CIMIP5: variants seen among roughly 807,000 people sequenced by gnomAD.
CIMIP5 encodes uncharacterized protein C2orf50.
the CIMIP5 span, among the ~76,000 whole-genome samples, chr2:11,148,376 C>G: frequency 1.3e-5 from 2 of 152,000 alleles, no homozygotes; most frequent in East Asian, 3.9e-4. Flanking sequence ...CTCGGCCTCC[C>G]AAAGTGCTGG....
the CIMIP5 span, among the ~76,000 whole-genome samples, chr2:11,143,475 T>C: frequency 1.3e-4 from 19 of 151,080 alleles, no homozygotes; most frequent in Non-Finnish European, 2.4e-4. Context: ...GTTGGGCACA[T>C]GGGCATCTTC....
the CIMIP5 span, among the ~76,000 whole-genome samples, chr2:11,137,307 G>A: frequency 3.3e-5 from 5 of 152,164 alleles, no homozygotes; most frequent in Admixed American, 6.5e-5. Flanking sequence ...CCGGCAGGCA[G>A]AGGCTGCAAT....
At chr2:11,136,902 G>A in the CIMIP5 span, among the ~76,000 whole-genome samples, 12 of 152,154 alleles carry the variant, frequency 7.9e-5, no homozygotes, top group Admixed American at 1.3e-4. Flanking sequence ...GGGCAGAGAC[G>A]CTGCCAGGAA....
the CIMIP5 span, chr2:11,140,698 G>T: frequency 2.0e-6 from 1 of 510,104 alleles, no homozygotes; most frequent in Non-Finnish European, 3.3e-6. Context: ...TTCAAGGAAT[G>T]CAGGGTCCGT....
chr2:11,138,557 C>G, the CIMIP5 span, among the ~76,000 whole-genome samples: 1 of 152,168 alleles, frequency 6.6e-6, no homozygotes, highest in Non-Finnish European at 1.5e-5. Flanking sequence ...TGGTGTGGAT[C>G]TGTGTCCCCA....
the CIMIP5 span, among the ~76,000 whole-genome samples, chr2:11,148,607 C>T: frequency 5.4e-5 from 8 of 147,888 alleles, no homozygotes; most frequent in South Asian, 8.3e-4. Context: ...ACCCTGACCA[C>T]GCCCATGCCC....
the CIMIP5 span, chr2:11,133,353 C>G: frequency 6.2e-7 from 1 of 1,605,652 alleles, no homozygotes; most frequent in Non-Finnish European, 8.5e-7. Context: ...CCACCCCACC[C>G]CTGGGCTCCA....
At chr2:11,149,977 A>T in the CIMIP5 span, among the ~76,000 whole-genome samples, 1 of 152,158 alleles carries the variant, frequency 6.6e-6, no homozygotes, top group Non-Finnish European at 1.5e-5. Flanking sequence ...ACGGCGTCTC[A>T]CCCCATTGCC....
At chr2:11,135,867 C>T in the CIMIP5 span, among the ~76,000 whole-genome samples, 1 of 152,028 alleles carries the variant, frequency 6.6e-6, no homozygotes, top group Non-Finnish European at 1.5e-5. Context: ...ATTTGCATTT[C>T]TCTGATGATG....
At chr2:11,149,298 A>C in the CIMIP5 span, among the ~76,000 whole-genome samples, 1 of 144,012 alleles carries the variant, frequency 6.9e-6, no homozygotes, top group Admixed American at 7.1e-5. Flanking sequence ...CTACTTACCT[A>C]GGAAGCACTC....
chr2:11,144,275 C>T, the CIMIP5 span: 51 of 483,606 alleles, frequency 1.1e-4, no homozygotes, highest in African/African-American at 9.1e-4. Flanking sequence ...CACTCTTACA[C>T]ACTTTTTACA....
At chr2:11,146,207 CCT>C in the CIMIP5 span, among the ~76,000 whole-genome samples, 3 of 152,226 alleles carry the variant, frequency 2.0e-5, no homozygotes, top group East Asian at 5.8e-4. Context: ...CTCATTTAAT[CCT>C]CTCAGCAACC....
chr2:11,153,306 C>G, the CIMIP5 span, among the ~76,000 whole-genome samples: 1 of 152,212 alleles, frequency 6.6e-6, no homozygotes, highest in Non-Finnish European at 1.5e-5. Context: ...GAGGAGGCCA[C>G]TCCCTGCGTG....
chr2:11,148,159 C>T, the CIMIP5 span, among the ~76,000 whole-genome samples: 1 of 151,488 alleles, frequency 6.6e-6, no homozygotes, highest in Non-Finnish European at 1.5e-5. Context: ...AGCTTGTCGC[C>T]CAAGCTGGAG....
chr2:11,142,266 C>CAA, the CIMIP5 span, among the ~76,000 whole-genome samples: 10,707 of 84,332 alleles, frequency 0.13, 784 homozygotes, highest in Non-Finnish European at 0.19. Flanking sequence ...AATTCAGTCT[C>CAA]AAAAAAAAAA....
chr2:11,146,429 G>T, the CIMIP5 span: 1 of 152,098 alleles, frequency 6.6e-6, no homozygotes, highest in African/African-American at 2.4e-5. Flanking sequence ...CAAATTACAG[G>T]ATTTTTCTGC....
the CIMIP5 span, among the ~76,000 whole-genome samples, chr2:11,135,884 A>G: frequency 2.6e-5 from 4 of 152,182 alleles, no homozygotes; most frequent in African/African-American, 9.6e-5. Flanking sequence ...GATGAGTGAC[A>G]TTGATCATCT....
At chr2:11,133,144 C>T in the CIMIP5 span, 1 of 591,884 alleles carries the variant, frequency 1.7e-6, no homozygotes, top group Non-Finnish European at 2.7e-6. Flanking sequence ...CTCTCCCCAG[C>T]CCGGAGAGCC....
At chr2:11,142,222 C>T in the CIMIP5 span, among the ~76,000 whole-genome samples, 4,786 of 147,102 alleles carry the variant, frequency 0.033, 252 homozygotes, top group African/African-American at 0.11. Context: ...GCAGAGATCA[C>T]GCCATTGCAC....
Sources: allele counts gnomAD v4.1 joint callset (sites outside exome capture counted in the v4.1 genomes callset), GRCh38; gene constraint gnomAD v4.1.1; transcripts MANE v1.5; gene names NCBI Gene and HGNC (gene_info 2026-07-23, HGNC 2026-07-21).